MATN2: variants seen among roughly 807,000 people sequenced by gnomAD.
The protein encoded by MATN2 is matrilin 2.
Under a neutral mutation model 103.2 loss-of-function variants are expected in MATN2, and 69 were observed. That is an observed-to-expected ratio of 0.67 (90% CI 0.55 to 0.82). The LOEUF is 0.82. MATN2 is among the 40% of genes least tolerant of loss of function. The pLI is 0.00. For synonymous variants in MATN2, 429 were observed against 450.2 expected (o/e 0.95, Z 0.60); for missense variants, 1,023 against 1,211.5 (o/e 0.84, Z 2.31).
chr8:98,022,111 C>G (rs1253627705), intron 13 of MATN2, among the ~76,000 whole-genome samples: 2 of 152,152 alleles, frequency 1.3e-5, no homozygotes, highest in African/African-American at 4.8e-5. Context: ...AATGATCACC[C>G]ATGAGCCTGG....
intron 4 of MATN2, among the ~76,000 whole-genome samples, 197 bp from the exon 5 acceptor site, chr8:97,961,211 G>T (rs1811304073): frequency 6.6e-6 from 1 of 152,162 alleles, no homozygotes. Context: ...TTACAGATGG[G>T]GGGATTACAG....
intron 10 of MATN2, among the ~76,000 whole-genome samples, chr8:98,012,377 A>T (rs1813201044): frequency 1.3e-5 from 2 of 152,058 alleles, no homozygotes; most frequent in Admixed American, 6.5e-5. Context: ...AGTCTAGAGA[A>T]AGAGAAGTTT....
intron 5 of MATN2, among the ~76,000 whole-genome samples, chr8:97,976,528 C>T (rs896089117): frequency 6.6e-6 from 1 of 152,214 alleles, no homozygotes; most frequent in African/African-American, 2.4e-5. Context: ...ATGTCATTAT[C>T]TTCTCCATGC....
At chr8:97,909,786 CT>C (rs763916849) in intron 2 of MATN2, among the ~76,000 whole-genome samples, 403 of 143,570 alleles carry the variant, frequency 2.8e-3, no homozygotes, top group Admixed American at 5.0e-3. Flanking sequence ...CATGATTTCA[CT>C]TTTTTTTTTT....
intron 10 of MATN2, among the ~76,000 whole-genome samples, chr8:98,009,453 C>T (rs1412242399): frequency 6.6e-6 from 1 of 152,166 alleles, no homozygotes; most frequent in Non-Finnish European, 1.5e-5. Flanking sequence ...GTCCTTGGCT[C>T]TTTATAGAGG....
intron 2 of MATN2, among the ~76,000 whole-genome samples, chr8:97,895,009 A>G (rs1818762815): frequency 1.3e-5 from 2 of 152,146 alleles, no homozygotes; most frequent in South Asian, 4.2e-4. Flanking sequence ...AGTAGCTGAG[A>G]TTGCAGGCGC....
At chr8:98,019,054 T>A (rs539712857) in intron 12 of MATN2, among the ~76,000 whole-genome samples, 1 of 148,814 alleles carries the variant, frequency 6.7e-6, no homozygotes, top group African/African-American at 2.5e-5. Context: ...ATATATATAA[T>A]ATATATATGT....
intron 2 of MATN2, among the ~76,000 whole-genome samples, chr8:97,891,683 A>T (rs1818637032): frequency 6.6e-6 from 1 of 152,160 alleles, no homozygotes; most frequent in African/African-American, 2.4e-5. Context: ...TTTTTTAAGA[A>T]TCCTGAGGAC....
intron 1 of MATN2, among the ~76,000 whole-genome samples, chr8:97,870,078 C>T (rs1455247819): frequency 6.6e-6 from 1 of 152,150 alleles, no homozygotes. Context: ...GACCCGTGGT[C>T]GAGAGCAGAG....
At chr8:97,899,649 A>G (rs1563654030) in intron 2 of MATN2, among the ~76,000 whole-genome samples, 1 of 152,182 alleles carries the variant, frequency 6.6e-6, no homozygotes, top group East Asian at 1.9e-4. Context: ...GGCTCGCCCT[A>G]ATAACCTCAT....
intron 1 of MATN2, among the ~76,000 whole-genome samples, chr8:97,884,427 C>G (rs1197294740): frequency 6.6e-6 from 1 of 152,156 alleles, no homozygotes; most frequent in Non-Finnish European, 1.5e-5. Flanking sequence ...GTGTGAGCCA[C>G]TGCACCCAGT....
intron 10 of MATN2, among the ~76,000 whole-genome samples, chr8:98,010,460 T>C (rs1360802620): frequency 6.6e-6 from 1 of 152,192 alleles, no homozygotes; most frequent in African/African-American, 2.4e-5. Context: ...TGACTGCTCA[T>C]CTCTAAACTG....
rs189001282 is a variant in MATN2 at position 98,018,679 on chromosome 8, G to A, written c.1819+563G>A. Among the ~76,000 whole-genome samples, 441 of 152,264 alleles carry A rather than the reference G, an allele frequency of 2.9e-3. 8 individuals are homozygous for A. Among genetic ancestry groups the A allele is most frequent in the Non-Finnish European group, 1.0e-3 (69 of 68,026 alleles). On this transcript the variant is annotated intron_variant, in intron 12 of 18. Coordinates refer to ENST00000254898, the MANE Select transcript of MATN2 (RefSeq NM_002380.5). ...TCTCACATGGTGGCAGACAAGAGAA[G>A]AGAACTTGTGCAGGGAAACCCCCTT...
intron 3 of MATN2, among the ~76,000 whole-genome samples, chr8:97,936,109 C>A (rs1247751689): frequency 6.6e-6 from 1 of 152,164 alleles, no homozygotes; most frequent in Non-Finnish European, 1.5e-5. Context: ...CAGGGAGAGG[C>A]CAGGTGCCCT....
intron 7 of MATN2, among the ~76,000 whole-genome samples, chr8:98,001,065 A>G (rs1011777920): frequency 2.0e-5 from 3 of 152,206 alleles, no homozygotes; most frequent in Admixed American, 2.0e-4. Flanking sequence ...GCTTCGTCAA[A>G]TAACTTTTGG....
intron 3 of MATN2, among the ~76,000 whole-genome samples, chr8:97,935,597 C>T (rs1002033611): frequency 4.6e-5 from 7 of 152,044 alleles, no homozygotes; most frequent in African/African-American, 1.4e-4. Context: ...AGCTCACTAC[C>T]GCCTCAAAGT....
chr8:97,935,386 A>C (rs1381836161), intron 3 of MATN2, among the ~76,000 whole-genome samples: 2 of 152,254 alleles, frequency 1.3e-5, no homozygotes, highest in Non-Finnish European at 2.9e-5. Flanking sequence ...TTCACACAAC[A>C]AACCTGTCAA....
intron 4 of MATN2, among the ~76,000 whole-genome samples, chr8:97,952,964 C>T (rs796403981): frequency 7.6e-4 from 108 of 141,224 alleles, no homozygotes; most frequent in African/African-American, 2.6e-3. Context: ...GCTCTGTCTC[C>T]CAGGCTGGAG....
rs140416326 is a variant in MATN2 at position 97,951,550 on chromosome 8, A to G, written c.835+9651A>G. ...GGACCTCTGGAACTGGGGCCCAGGAATGTGGGTTTTCCCAAGCCCTCCAGG... is the reference window on the plus strand; with the variant it reads ...GGACCTCTGGAACTGGGGCCCAGGAGTGTGGGTTTTCCCAAGCCCTCCAGG... On this transcript the variant is annotated intron_variant, in intron 4 of 18. Transcript: ENST00000254898. 3.0e-3 allele frequency among the ~76,000 whole-genome samples: 451 copies of G among 152,268 alleles called. 2 individuals are homozygous for G. Among genetic ancestry groups the G allele is most frequent in the African/African-American group, 0.01 (432 of 41,574 alleles).
Sources: gnomAD v4.1 joint callset for allele counts (sites outside exome capture counted in the v4.1 genomes callset) on GRCh38, gnomAD v4.1.1 for gene constraint, MANE v1.5 for transcripts, NCBI Gene and HGNC (gene_info 2026-07-23, HGNC 2026-07-21) for gene names.